The following PTCHD4 variants were observed in gnomAD, a reference collection of about 807,000 sequenced individuals.
The protein encoded by PTCHD4 is patched domain containing 4.
Under a neutral mutation model 58.1 loss-of-function variants are expected in PTCHD4, and 33 were observed. The observed-to-expected ratio is 0.57, with a 90% confidence interval of 0.43 to 0.76. PTCHD4 has a LOEUF of 0.76. PTCHD4 is among the 30% of genes least tolerant of loss of function. The pLI is 0.00. For synonymous variants in PTCHD4, 478 were observed against 409.6 expected (o/e 1.17, Z -2.02); for missense variants, 1,058 against 1,027.1 (o/e 1.03, Z -0.41).
chr6:48,012,220 A>C (rs565324822), intron 3 of PTCHD4, among the ~76,000 whole-genome samples: 3 of 152,074 alleles, frequency 2.0e-5, no homozygotes, highest in Non-Finnish European at 2.9e-5. Flanking sequence ...ATGTTTTTCT[A>C]TTTGTTTGTG....
chr6:48,086,558 G>T (rs548219691), intron 1 of PTCHD4, among the ~76,000 whole-genome samples: 1 of 151,822 alleles, frequency 6.6e-6, no homozygotes, highest in South Asian at 2.1e-4. Context: ...GGCAGAACAG[G>T]GATTGTGGAG....
chr6:48,012,748 A>T (rs530190088), intron 3 of PTCHD4, among the ~76,000 whole-genome samples: 1 of 152,294 alleles, frequency 6.6e-6, no homozygotes, highest in African/African-American at 2.4e-5. Flanking sequence ...GATACGTTCC[A>T]TCAGTACCTA....
At position 47,884,433 on chromosome 6, in the gene PTCHD4, C is replaced by T. The variant is rs148926541; in HGVS notation, c.899-4497G>A. Among the ~76,000 whole-genome samples, 6 of 152,310 alleles carry T rather than the reference C, an allele frequency of 3.9e-5. No homozygotes were observed. In the East Asian group the frequency reaches 1.2e-3, roughly 29 times the overall value. ...TAGTATTTTATTCCCTGCAGTTCCA[C>T]CCTTACTCAGAGATTCTTAATCCAA... On this transcript the variant is annotated intron_variant, in intron 4 of 4. Transcript: ENST00000339488.
At position 47,863,763 on chromosome 6, in the gene PTCHD4, C is replaced by T. The variant is rs569649355; in HGVS notation, c.*14540G>A. On this transcript the variant is annotated 3_prime_UTR_variant, in exon 5 of 5. Transcript: ENST00000339488. ...AAATGACACATTCTTTTATACTCTA[C>T]GCCTTGGTTCCATGTTCCTAAATTT... Among the ~76,000 whole-genome samples, 13 of 152,050 alleles carry T rather than the reference C, an allele frequency of 8.5e-5. No individual in the cohort carries two copies. Among genetic ancestry groups the T allele is most frequent in the Admixed American group, 1.3e-4 (2 of 15,250 alleles).
At chr6:48,026,809 G>C (rs1040919063) in intron 3 of PTCHD4, among the ~76,000 whole-genome samples, 1 of 152,068 alleles carries the variant, frequency 6.6e-6, no homozygotes, top group African/African-American at 2.4e-5. Flanking sequence ...ATAGTCCATA[G>C]CCTCCACAAG....
At chr6:47,914,051 C>T (rs1765152953) in intron 4 of PTCHD4, among the ~76,000 whole-genome samples, 1 of 152,044 alleles carries the variant, frequency 6.6e-6, no homozygotes, top group Admixed American at 6.6e-5. Context: ...CTGGCTATGC[C>T]ATACCACAAA....
rs1458576150 is a variant in PTCHD4 at position 47,968,461 on chromosome 6, G to T, written c.898+40173C>A. On this transcript the variant is annotated intron_variant, in intron 4 of 4. Transcript: ENST00000339488. ...AATGAACACGTGCTTTTGGAAAAAT[G>T]GCACTGATATACTTGCTGGGTGCAG... Among the ~76,000 whole-genome samples, 5 of 152,184 alleles carry T rather than the reference G, an allele frequency of 3.3e-5. No individual in the cohort carries two copies. In the East Asian group the frequency reaches 9.6e-4, roughly 29 times the overall value.
chr6:47,984,246 A>G (rs994850347), intron 4 of PTCHD4, among the ~76,000 whole-genome samples: 1 of 152,196 alleles, frequency 6.6e-6, no homozygotes, highest in Admixed American at 6.5e-5. Context: ...GGTAATTTAT[A>G]AAGGAAAGAG....
At chr6:47,961,744 A>G (rs1191672008) in intron 4 of PTCHD4, among the ~76,000 whole-genome samples, 3 of 152,184 alleles carry the variant, frequency 2.0e-5, no homozygotes, top group African/African-American at 7.2e-5. Context: ...TAAACACACT[A>G]CCAAAATGTG....
intron 4 of PTCHD4, among the ~76,000 whole-genome samples, chr6:48,007,936 G>GCGCA (rs935818683): frequency 2.8e-3 from 421 of 150,344 alleles, no homozygotes; most frequent in African/African-American, 9.5e-3. Flanking sequence ...GTGCGCGCGC[G>GCGCA]CACACACACA....
chr6:48,038,893 A>C (rs929660809), intron 3 of PTCHD4, among the ~76,000 whole-genome samples: 1 of 152,200 alleles, frequency 6.6e-6, no homozygotes, highest in African/African-American at 2.4e-5. Context: ...CGTCAAGACA[A>C]CATCTGAAAA....
At chr6:48,078,795 A>G (rs887731616) in intron 1 of PTCHD4, among the ~76,000 whole-genome samples, 3 of 152,148 alleles carry the variant, frequency 2.0e-5, no homozygotes, top group Non-Finnish European at 4.4e-5. Context: ...AAGAACCAGA[A>G]TATATTTCTC....
rs775289485 is a variant in PTCHD4 at position 48,068,251 on chromosome 6, G to A, written c.396C>T (p.His132=). ...TCACCTTCATTTCCAGCACGGCTCG[G>A]TGGGTCTGCAGGATCCCCTCAGCCT... The part of the protein sequence containing the change: ...LLQAEGILQT[H]RAVLEMKDGR... Residue 132 remains histidine (H), a synonymous_variant, in exon 3 of 5, where the codon CAC becomes CAT. Coordinates refer to ENST00000339488, the MANE Select transcript of PTCHD4 (RefSeq NM_001384253.1). The surrounding 1 kb of genome is among the most constrained non-coding windows in gnomAD (Gnocchi z 4.2). The A allele has an allele frequency of 7.6e-6, 12 of 1,580,980 alleles. No individual in the cohort carries two copies. In the Admixed American group the frequency reaches 2.0e-4, roughly 26 times the overall value.
In PTCHD4 at chr6:48,021,649, G is replaced by T. The variant is rs117721702; in HGVS notation, c.418-12535C>A. 2.3e-4 allele frequency among the ~76,000 whole-genome samples: 35 copies of T among 151,942 alleles called. No homozygotes were observed. The East Asian group carries it at 5.4e-3, about 24-fold the overall frequency. On this transcript the variant is annotated intron_variant, in intron 3 of 4. Coordinates refer to ENST00000339488, the MANE Select transcript of PTCHD4 (RefSeq NM_001384253.1). Reference sequence around the variant, plus strand: ...TTGGATTATACAGATAGTTGTAATTGCTGAAGTCTGGAATATGAAGTTGAA... The same window carrying T: ...TTGGATTATACAGATAGTTGTAATTTCTGAAGTCTGGAATATGAAGTTGAA...
At position 47,858,428 on chromosome 6, in the gene PTCHD4, C is replaced by G. The variant is rs1473698649; in HGVS notation, c.*19875G>C. 3.3e-5 allele frequency among the ~76,000 whole-genome samples: 5 copies of G among 151,932 alleles called. No individual in the cohort carries two copies. Among genetic ancestry groups the G allele is most frequent in the African/African-American group, 1.2e-4 (5 of 41,420 alleles). On this transcript the variant is annotated 3_prime_UTR_variant, in exon 5 of 5. Coordinates refer to ENST00000339488, the MANE Select transcript of PTCHD4 (RefSeq NM_001384253.1). ...GTAACAATCTCAGCTGAGAATGAGG[C>G]AGAAATGTAAACATTAATGGAAATA...
chr6:47,950,294 C>T (rs970232199), intron 4 of PTCHD4, among the ~76,000 whole-genome samples: 1 of 152,056 alleles, frequency 6.6e-6, no homozygotes, highest in Admixed American at 6.6e-5. Flanking sequence ...GAGCACTCTA[C>T]CTCCCACATG....
chr6:48,036,093 A>G (rs998011292), intron 3 of PTCHD4, among the ~76,000 whole-genome samples: 1 of 152,062 alleles, frequency 6.6e-6, no homozygotes, highest in African/African-American at 2.4e-5. Flanking sequence ...CAGTGCTTGC[A>G]ATGTCATCTC....
rs143389421 is a variant in PTCHD4, at chr6:48,048,323, T to G, written c.417+19907A>C. ...TCATCTATTTTCTACTAACTGCAAT[T>G]GAGCAGGTGGTTCCCCATTTTCCAT... On this transcript the variant is annotated intron_variant, in intron 3 of 4. Coordinates refer to ENST00000339488, the MANE Select transcript of PTCHD4 (RefSeq NM_001384253.1). 2.1e-3 allele frequency among the ~76,000 whole-genome samples: 317 copies of G among 152,086 alleles called. 1 individual carries two copies. The highest frequency in any genetic ancestry group is 6.5e-3 in the African/African-American group (270 of 41,552).
At position 48,026,423 on chromosome 6, in the gene PTCHD4, T is replaced by A. The variant is rs539495022; in HGVS notation, c.418-17309A>T. 2.0e-5 allele frequency among the ~76,000 whole-genome samples: 3 copies of A among 152,234 alleles called. No homozygotes were observed. The East Asian group carries it at 5.8e-4, about 29-fold the overall frequency. The stretch of plus-strand genomic sequence containing the variant: ...AGCAGACAATTTGGAATTTCAGTGG[T>A]CTCTTTGGGGAACTTAGGATCTCTT... On this transcript the variant is annotated intron_variant, in intron 3 of 4. Transcript: ENST00000339488.
Sources: gnomAD v4.1 joint callset for allele counts (sites outside exome capture counted in the v4.1 genomes callset) on GRCh38, gnomAD v4.1.1 for gene constraint, Gnocchi (gnomAD v3.1) non-coding constraint, MANE v1.5 for transcripts, NCBI Gene and HGNC (gene_info 2026-07-23, HGNC 2026-07-21) for gene names.